LRRC4C: variants seen among roughly 807,000 people sequenced by gnomAD.
LRRC4C encodes the protein leucine-rich repeat-containing protein 4C.
A neutral mutation model predicts 33.6 loss-of-function variants in LRRC4C; 5 were observed. The ratio of observed to expected loss-of-function variants is 0.15; its 90% CI spans 0.08 to 0.31. The LOEUF (loss-of-function observed/expected upper bound fraction) is 0.31. Ranked by LOEUF, LRRC4C falls within the 10% of genes least tolerant of loss-of-function variation. The pLI, the probability that LRRC4C is intolerant of heterozygous loss-of-function variation, is 1.00. For synonymous variants in LRRC4C, 329 were observed against 302.0 expected (o/e 1.09, Z -0.93); for missense variants, 560 against 796.7 (o/e 0.70, Z 3.58).
intron 1 of LRRC4C, among the ~76,000 whole-genome samples, chr11:41,164,195 T>A (rs1159712953): frequency 6.6e-6 from 1 of 151,026 alleles, no homozygotes; most frequent in East Asian, 1.9e-4. Context: ...TTTTTTATTT[T>A]TTTTTTTTTT....
At chr11:41,299,338 G>A (rs182655010) in intron 1 of LRRC4C, among the ~76,000 whole-genome samples, 3 of 152,182 alleles carry the variant, frequency 2.0e-5, no homozygotes, top group Admixed American at 6.5e-5. Context: ...AACAACTTTA[G>A]CATTCTTTTT....
intron 1 of LRRC4C, among the ~76,000 whole-genome samples, chr11:41,188,477 T>C (rs573114070): frequency 2.0e-3 from 302 of 152,136 alleles, no homozygotes; most frequent in African/African-American, 6.8e-3. Context: ...CCCAGCTTAA[T>C]CTCTTACTGG....
At position 40,490,526 on chromosome 11, in the gene LRRC4C, G is replaced by GA. The variant is rs201198492; in HGVS notation, c.-270+157615dup. 5.4e-3 allele frequency among the ~76,000 whole-genome samples: 814 copies of GA among 151,696 alleles called. 8 individuals are homozygous for GA. Among genetic ancestry groups the GA allele is most frequent in the African/African-American group, 0.019 (776 of 41,388 alleles). ...TTGCTAATAGGAGAGACTTTTAAGG[G>GA]AAAAAAAAGACATTCAATGTTCTTT... is the stretch of plus-strand genomic sequence containing the variant. On this transcript the variant is annotated intron_variant, in intron 3 of 6. Coordinates refer to ENST00000528697, the MANE Select transcript of LRRC4C (RefSeq NM_001258419.2).
At chr11:40,618,370 A>T (rs2201510) in intron 3 of LRRC4C, among the ~76,000 whole-genome samples, 1 of 151,262 alleles carries the variant, frequency 6.6e-6, no homozygotes, top group African/African-American at 2.4e-5. Context: ...ACTAGGAGAA[A>T]GGCATGGGAC....
At chr11:40,983,284 C>A (rs933487038) in intron 1 of LRRC4C, among the ~76,000 whole-genome samples, 1 of 152,274 alleles carries the variant, frequency 6.6e-6, no homozygotes, top group East Asian at 1.9e-4. Flanking sequence ...ACGCACGACA[C>A]AAACCAGCAG....
chr11:40,911,457 A>G (rs904849433), intron 2 of LRRC4C, among the ~76,000 whole-genome samples: 3 of 152,320 alleles, frequency 2.0e-5, no homozygotes, highest in African/African-American at 7.2e-5. Flanking sequence ...GACCTCCGGC[A>G]AACTCCAACA....
chr11:41,254,866 T>A (rs1294084682), intron 1 of LRRC4C, among the ~76,000 whole-genome samples: 2 of 152,078 alleles, frequency 1.3e-5, no homozygotes, highest in African/African-American at 4.8e-5. Context: ...AAAACTTTTA[T>A]CATCCTAGAC....
chr11:40,807,620 G>GTCA (rs1951311275), intron 2 of LRRC4C, among the ~76,000 whole-genome samples: 1 of 152,216 alleles, frequency 6.6e-6, no homozygotes, highest in African/African-American at 2.4e-5. Context: ...AAATGGAGCT[G>GTCA]TCATCCAAAG....
chr11:41,416,852 C>T (rs1954700731), intron 1 of LRRC4C, among the ~76,000 whole-genome samples: 1 of 151,868 alleles, frequency 6.6e-6, no homozygotes, highest in African/African-American at 2.4e-5. Context: ...CTCTACATAC[C>T]CCTGGTGTCA....
chr11:40,977,851 T>A (rs1470099496), intron 1 of LRRC4C, among the ~76,000 whole-genome samples: 2 of 152,108 alleles, frequency 1.3e-5, no homozygotes, highest in Non-Finnish European at 2.9e-5. Flanking sequence ...GCTGACCAAG[T>A]CAGAATGTCT....
intron 1 of LRRC4C, among the ~76,000 whole-genome samples, chr11:41,207,775 A>C (rs1946659451): frequency 6.6e-6 from 1 of 152,236 alleles, no homozygotes; most frequent in South Asian, 2.1e-4. Flanking sequence ...GTGAGAAAAT[A>C]CATTTCTGTT....
At chr11:40,250,132 T>A (rs1866668365) in intron 4 of LRRC4C, among the ~76,000 whole-genome samples, 1 of 151,170 alleles carries the variant, frequency 6.6e-6, no homozygotes, top group African/African-American at 2.4e-5. Flanking sequence ...ATCGATGAAC[T>A]ACCTTCTTTA....
intron 3 of LRRC4C, among the ~76,000 whole-genome samples, chr11:40,427,827 T>TA (rs1399983045): frequency 2.0e-5 from 3 of 151,460 alleles, no homozygotes; most frequent in Non-Finnish European, 2.9e-5. Flanking sequence ...GAGACTGTCT[T>TA]AAAAAAACAA....
chr11:41,360,453 C>T (rs1591349765), intron 1 of LRRC4C, among the ~76,000 whole-genome samples: 1 of 151,884 alleles, frequency 6.6e-6, no homozygotes, highest in African/African-American at 2.4e-5. Context: ...GTGAAGGAAA[C>T]ATATCAATAT....
At chr11:40,354,097 T>C (rs1000594452) in intron 3 of LRRC4C, among the ~76,000 whole-genome samples, 1 of 152,196 alleles carries the variant, frequency 6.6e-6, no homozygotes, top group African/African-American at 2.4e-5. Flanking sequence ...AGTAATTCTG[T>C]GACTCTTGCA....
chr11:41,125,542 T>C (rs1028270519), intron 1 of LRRC4C, among the ~76,000 whole-genome samples: 1 of 152,214 alleles, frequency 6.6e-6, no homozygotes. Flanking sequence ...ATTATAATTA[T>C]CATACAAAAA....
At chr11:41,354,512 G>GA (rs935948761) in intron 1 of LRRC4C, among the ~76,000 whole-genome samples, 2 of 151,716 alleles carry the variant, frequency 1.3e-5, no homozygotes, top group African/African-American at 2.4e-5. Flanking sequence ...ATAGAATTAG[G>GA]AAAAAAAGAT....
chr11:41,149,421 G>T (rs945784473), intron 1 of LRRC4C, among the ~76,000 whole-genome samples: 1 of 151,248 alleles, frequency 6.6e-6, no homozygotes. Context: ...GCAGGAGAAT[G>T]GCGTGAACAA....
chr11:41,024,622 C>A (rs10837551), intron 1 of LRRC4C, among the ~76,000 whole-genome samples: 108,695 of 151,426 alleles, frequency 0.72, 39,316 homozygotes, highest in South Asian at 0.78. Context: ...TTATTTAAGC[C>A]CTTGGCTACG....
Sources: allele counts gnomAD v4.1 joint callset (sites outside exome capture counted in the v4.1 genomes callset), GRCh38; gene constraint gnomAD v4.1.1; transcripts MANE v1.5; gene names NCBI Gene and HGNC (gene_info 2026-07-23, HGNC 2026-07-21).